Variants in DROSHA observed in about 807,000 individuals in gnomAD.
DROSHA encodes ribonuclease 3.
DROSHA carries 56 observed loss-of-function variants against 181.9 expected under a neutral mutation model. That is an observed-to-expected ratio of 0.31 (90% CI 0.25 to 0.38). The LOEUF is 0.38. DROSHA is among the 10% of genes least tolerant of loss of function. DROSHA has a pLI of 1.00. For missense variants in DROSHA, 1,218 were observed against 1,743.5 expected, an observed-to-expected ratio of 0.70 and a Z score of 5.37; for synonymous variants, 524 against 591.2, an observed-to-expected ratio of 0.89 and a Z score of 1.65.
chr5:31,448,501 C>A (rs770300095), intron 23 of DROSHA, 46 bp downstream of exon 23: 4 of 1,512,436 alleles, frequency 2.6e-6, no homozygotes, highest in East Asian at 4.5e-5. Flanking sequence ...CTGTATAGTA[C>A]GTGAATTATA....
At chr5:31,498,920 A>G (rs142375634) in intron 11 of DROSHA, among the ~76,000 whole-genome samples, 2,671 of 151,730 alleles carry the variant, frequency 0.018, 27 homozygotes, top group Middle Eastern at 0.064. Flanking sequence ...TGACAGCATC[A>G]GTTGTGATGG....
intron 11 of DROSHA, among the ~76,000 whole-genome samples, chr5:31,503,344 A>T (rs961716271): frequency 2.6e-5 from 4 of 152,172 alleles, no homozygotes; most frequent in East Asian, 1.9e-4. Context: ...TGAGCCCCCA[A>T]AATGGGACCA....
At chr5:31,447,167 C>T (rs661705) in intron 23 of DROSHA, among the ~76,000 whole-genome samples, 4 of 152,048 alleles carry the variant, frequency 2.6e-5, no homozygotes, top group African/African-American at 9.7e-5. Context: ...AACACAGGAA[C>T]AGAAAACCAA....
chr5:31,478,161 T>C (rs970219509), intron 16 of DROSHA, among the ~76,000 whole-genome samples: 1 of 152,166 alleles, frequency 6.6e-6, no homozygotes, highest in African/African-American at 2.4e-5. Flanking sequence ...TCAAGAAACA[T>C]GCAAATAGTA....
intron 35 of DROSHA, among the ~76,000 whole-genome samples, chr5:31,404,359 T>C (rs1479814837): frequency 1.3e-5 from 2 of 152,124 alleles, no homozygotes; most frequent in Admixed American, 6.5e-5. Context: ...AGCTTAAAAC[T>C]CTCAGTGAAG....
intron 11 of DROSHA, among the ~76,000 whole-genome samples, chr5:31,498,756 C>T (rs752586858): frequency 6.6e-6 from 1 of 152,022 alleles, no homozygotes; most frequent in Non-Finnish European, 1.5e-5. Flanking sequence ...ACTTGGGAGG[C>T]TGAGGCAGGA....
Position 31,464,286 on chromosome 5 carries a change from G to A in DROSHA, c.2524C>T (p.Leu842=), listed in dbSNP as rs372932779. 3.2e-5 allele frequency: 52 copies of A among 1,613,180 alleles called. No individual in the cohort carries two copies. The highest frequency in any genetic ancestry group is 4.2e-5 in the Non-Finnish European group (50 of 1,179,644). Residue 842 remains leucine (L), a synonymous_variant, in exon 20 of 36, where the codon CTA becomes TTA. Transcript: ENST00000344624. ...NTMRREVTVE[L]SSQGFWKTGI... is the part of the protein sequence containing the mutation. Reference sequence around the variant, plus strand: ...GTTTTCCAGAATCCTTGGCTACTTAGCTCCACCGTTACTTCTCGTCTCATT... The same window carrying A: ...GTTTTCCAGAATCCTTGGCTACTTAACTCCACCGTTACTTCTCGTCTCATT...
intron 3 of DROSHA, among the ~76,000 whole-genome samples, chr5:31,530,088 T>G: frequency 6.6e-6 from 1 of 152,188 alleles, no homozygotes; most frequent in East Asian, 1.9e-4. Flanking sequence ...ATGCTAGCAG[T>G]CAGTGTGCTT....
intron 20 of DROSHA, 68 bp downstream of exon 20, chr5:31,464,168 C>G (rs1748749981): frequency 2.3e-6 from 3 of 1,329,130 alleles, no homozygotes; most frequent in African/African-American, 1.5e-5. Context: ...TTAAGAAACC[C>G]TCAGTACCAG....
At chr5:31,459,926 G>T (rs371871082) in intron 20 of DROSHA, among the ~76,000 whole-genome samples, 13 of 152,062 alleles carry the variant, frequency 8.5e-5, no homozygotes, top group East Asian at 5.8e-4. Context: ...CAATGTCTCC[G>T]CATTTGGCAT....
chr5:31,510,242 T>C (rs1376063781), intron 9 of DROSHA, among the ~76,000 whole-genome samples: 1 of 152,190 alleles, frequency 6.6e-6, no homozygotes. Context: ...CTGTCTACTG[T>C]CATCCCTATT....
At chr5:31,509,814 T>C (rs1738458373) in intron 9 of DROSHA, among the ~76,000 whole-genome samples, 1 of 152,152 alleles carries the variant, frequency 6.6e-6, no homozygotes, top group African/African-American at 2.4e-5. Flanking sequence ...ATTCCACATA[T>C]ATGAGATGCC....
intron 11 of DROSHA, among the ~76,000 whole-genome samples, chr5:31,500,192 T>C (rs1156745755): frequency 6.6e-6 from 1 of 152,094 alleles, no homozygotes; most frequent in Admixed American, 6.5e-5. Flanking sequence ...TCCTGGCCAA[T>C]ACCTATAATT....
chr5:31,494,236 G>A (rs1342337626), intron 12 of DROSHA, among the ~76,000 whole-genome samples: 1 of 152,018 alleles, frequency 6.6e-6, no homozygotes, highest in Non-Finnish European at 1.5e-5. Context: ...CCAAAGTGCT[G>A]GGATTACAGG....
Position 31,515,551 on chromosome 5 carries a change from A to G in DROSHA, c.961T>C (p.Ser321Pro). 6.4e-7 allele frequency: 1 copy of G among 1,551,362 alleles called. No homozygotes were observed. The highest frequency in any genetic ancestry group is 8.7e-7 in the Non-Finnish European group (1 of 1,146,664). Residue 321 changes from serine to proline, a missense_variant, in exon 7 of 36, where the codon TCG becomes CCG. This residue lies in a region of DROSHA where 536 missense variants were observed against 535.4 expected (regional missense o/e 1.00). Coordinates refer to ENST00000344624, the MANE Select transcript of DROSHA (RefSeq NM_001382508.1). Reference protein sequence around the residue: ...YKRSGRSYGLSVVPEPAGCTP... With the variant: ...YKRSGRSYGLPVVPEPAGCTP... ...CATCCAGCAGGTTCAGGAACAACCG[A>G]TAAACCGTAACTCCTAAAAGAAAAA...
At chr5:31,506,094 C>T (rs970877478) in intron 10 of DROSHA, among the ~76,000 whole-genome samples, 2 of 152,214 alleles carry the variant, frequency 1.3e-5, no homozygotes, top group South Asian at 4.1e-4. Flanking sequence ...TGCGCAGTGG[C>T]ACACGCCTGT....
chr5:31,433,089 A>G (rs1385203784), intron 25 of DROSHA, among the ~76,000 whole-genome samples: 1 of 152,210 alleles, frequency 6.6e-6, no homozygotes, highest in Non-Finnish European at 1.5e-5. Flanking sequence ...GCCTAGGACA[A>G]TATGAGTTCC....
intron 16 of DROSHA, among the ~76,000 whole-genome samples, chr5:31,474,118 A>T (rs1750079107): frequency 6.6e-6 from 1 of 152,218 alleles, no homozygotes; most frequent in African/African-American, 2.4e-5. Flanking sequence ...AAGTTCTTTT[A>T]ATCAAAGTTC....
chr5:31,526,402 G>C lies in DROSHA; in HGVS notation c.531C>G (p.Phe177Leu), dbSNP rs758820590. ...GGAAACTATTAAAACTGGGAGGTGG[G>C]AAGTTGTGGTGAGAATAGCCCGGAG... ...QYPPGYSHHN[F>L]PPPSFNSFQN... Residue 177 changes from phenylalanine (F) to leucine (L), a missense_variant, in exon 5 of 36, where the codon TTC (phenylalanine) becomes TTG (leucine). Coordinates refer to ENST00000344624, the MANE Select transcript of DROSHA (RefSeq NM_001382508.1). The C allele has an allele frequency of 6.2e-7, 1 of 1,613,368 alleles. No homozygotes were observed. The highest frequency in any genetic ancestry group is 1.3e-5 in the African/African-American group (1 of 74,714).
Sources: gnomAD v4.1 joint callset for allele counts (sites outside exome capture counted in the v4.1 genomes callset) on GRCh38, gnomAD v4.1.1 for gene constraint, gnomAD v4.1.1 regional missense constraint, MANE v1.5 for transcripts, NCBI Gene and HGNC (gene_info 2026-07-23, HGNC 2026-07-21) for gene names.